Variants in MORC1 observed in about 807,000 individuals in gnomAD.
MORC1 encodes MORC family CW-type zinc finger 1.
MORC1 carries 59 observed loss-of-function variants against 134.9 expected under a neutral mutation model. The observed-to-expected ratio is 0.44, with a 90% CI of 0.35 to 0.54. The LOEUF is 0.54. Ranked by LOEUF, MORC1 falls within the 20% of genes least tolerant of loss-of-function variation. The pLI is 0.00. For synonymous variants in MORC1, 395 were observed against 391.7 expected (o/e 1.01, Z -0.10); for missense variants, 947 against 1,134.5 (o/e 0.83, Z 2.37).
At chr3:108,959,537 G>A (rs539710502) in intron 27 of MORC1, among the ~76,000 whole-genome samples, 18 of 152,126 alleles carry the variant, frequency 1.2e-4, no homozygotes, top group Middle Eastern at 3.4e-3. Context: ...CCATTGCAGC[G>A]TCTTTTCCCT....
intron 24 of MORC1, among the ~76,000 whole-genome samples, chr3:108,976,111 G>T (rs1947546605): frequency 6.6e-6 from 1 of 152,110 alleles, no homozygotes; most frequent in Non-Finnish European, 1.5e-5. Context: ...ATATAAGACA[G>T]GAAAATGCCT....
At chr3:109,069,168 C>T (rs1341799849) in intron 9 of MORC1, among the ~76,000 whole-genome samples, 4 of 151,976 alleles carry the variant, frequency 2.6e-5, no homozygotes, top group African/African-American at 9.7e-5. Flanking sequence ...ACAACAACAA[C>T]AAAACCTTGA....
Position 109,072,559 on chromosome 3 carries a change from A to G in MORC1, c.690-2802T>C, listed in dbSNP as rs1165290370. 2.6e-5 allele frequency among the ~76,000 whole-genome samples: 4 copies of G among 152,322 alleles called. No homozygotes were observed. The East Asian group carries it at 7.7e-4, about 29-fold the overall frequency. Reference sequence around the variant, plus strand: ...ATAAAAATATGTTGAATAAATGACAATCATTCAGGACTTCCCTGGCTTAAT... The same window carrying G: ...ATAAAAATATGTTGAATAAATGACAGTCATTCAGGACTTCCCTGGCTTAAT... On this transcript the variant is annotated intron_variant, in intron 8 of 27. Transcript: ENST00000232603.
intron 5 of MORC1, among the ~76,000 whole-genome samples, chr3:109,100,074 T>C (rs1206752376): frequency 6.6e-6 from 1 of 151,958 alleles, no homozygotes; most frequent in Non-Finnish European, 1.5e-5. Context: ...TGAAACTCTG[T>C]CTCTACAAAA....
chr3:109,042,450 C>A (rs944219216), intron 14 of MORC1, among the ~76,000 whole-genome samples: 1 of 152,040 alleles, frequency 6.6e-6, no homozygotes, highest in Non-Finnish European at 1.5e-5. Context: ...GGCAAGGATG[C>A]GGATAGAAAC....
intron 6 of MORC1, among the ~76,000 whole-genome samples, chr3:109,097,890 C>G (rs893128850): frequency 6.6e-6 from 1 of 151,938 alleles, no homozygotes; most frequent in African/African-American, 2.4e-5. Flanking sequence ...TACAATAAAG[C>G]TATGTTGAGG....
chr3:109,098,690 T>C (rs771029481), intron 6 of MORC1, among the ~76,000 whole-genome samples: 1 of 152,194 alleles, frequency 6.6e-6, no homozygotes, highest in East Asian at 1.9e-4. Flanking sequence ...TTGAGGAGCA[T>C]TCTTTTTAAA....
chr3:109,059,918 C>G, intron 11 of MORC1, 48 bp from the exon 12 acceptor site: 4 of 1,516,640 alleles, frequency 2.6e-6, no homozygotes, highest in Non-Finnish European at 3.6e-6. Flanking sequence ...ACTGAATTAA[C>G]AAAAAGCAAG....
intron 21 of MORC1, among the ~76,000 whole-genome samples, chr3:108,992,712 A>G (rs1948097724): frequency 1.3e-5 from 2 of 152,224 alleles, no homozygotes; most frequent in African/African-American, 2.4e-5. Context: ...TTCATCTGCT[A>G]ACTGCCTCAT....
intron 14 of MORC1, 108 bp downstream of exon 14, chr3:109,054,620 A>C (rs1056948036): frequency 9.8e-6 from 10 of 1,018,316 alleles, no homozygotes; most frequent in Non-Finnish European, 1.3e-5. Context: ...TCCCTTTCAG[A>C]GTTTTCAGTT....
At chr3:108,979,817 T>C in intron 23 of MORC1, 150 bp from the exon 24 acceptor site, 1 of 769,016 alleles carries the variant, frequency 1.3e-6, no homozygotes, top group East Asian at 2.9e-5. Context: ...TGTAGTTACA[T>C]GAAACAAATT....
intron 26 of MORC1, among the ~76,000 whole-genome samples, chr3:108,968,089 T>C (rs926811517): frequency 6.6e-6 from 1 of 152,156 alleles, no homozygotes; most frequent in African/African-American, 2.4e-5. Context: ...AATCAATCAA[T>C]CCCAGTTTTA....
intron 6 of MORC1, among the ~76,000 whole-genome samples, chr3:109,095,393 T>C (rs1341888705): frequency 6.6e-6 from 1 of 152,098 alleles, no homozygotes; most frequent in Non-Finnish European, 1.5e-5. Flanking sequence ...AGAAAAGCAA[T>C]CTAAAGCCCA....
chr3:109,028,548 T>C lies in MORC1; in HGVS notation c.1566-659A>G, dbSNP rs35267017. 6.6e-3 allele frequency among the ~76,000 whole-genome samples: 1,005 copies of C among 152,278 alleles called. 15 individuals are homozygous for C. Among genetic ancestry groups the C allele is most frequent in the African/African-American group, 0.023 (972 of 41,556 alleles). ...TTGTGGGTTAGTAAATACATAATAA[T>C]GTAGGATGATTTGTAAATGAACAAT... On this transcript the variant is annotated intron_variant, in intron 16 of 27. Transcript: ENST00000232603.
At chr3:109,113,850 G>A (rs1166482009) in intron 2 of MORC1, among the ~76,000 whole-genome samples, 1 of 152,192 alleles carries the variant, frequency 6.6e-6, no homozygotes, top group Admixed American at 6.5e-5. Context: ...TATGAATTAT[G>A]TGACTTTGAA....
chr3:109,089,810 C>T (rs555415764), intron 8 of MORC1, among the ~76,000 whole-genome samples: 1 of 152,064 alleles, frequency 6.6e-6, no homozygotes, highest in African/African-American at 2.4e-5. Flanking sequence ...CTTGTCATTA[C>T]CCCCACCCTT....
chr3:109,066,389 G>A lies in MORC1; in HGVS notation c.816-3158C>T, dbSNP rs554533806. Among the ~76,000 whole-genome samples the A allele has an allele frequency of 1.3e-3, 189 of 151,100 alleles. 1 individual carries two copies. The South Asian group carries it at 0.019, about 15-fold the overall frequency. The stretch of plus-strand genomic sequence containing the variant: ...CAACCTCCACCTCCTGGGTTCAAGT[G>A]AGTCTCCTGCCTCAGCCTCTGGAAT... On this transcript the variant is annotated intron_variant, in intron 9 of 27. Coordinates refer to ENST00000232603, the MANE Select transcript of MORC1 (RefSeq NM_014429.4).
intron 14 of MORC1, among the ~76,000 whole-genome samples, chr3:109,044,944 C>CAAAAAA (rs375280662): frequency 1.6e-5 from 1 of 64,220 alleles, no homozygotes; most frequent in Non-Finnish European, 3.1e-5. Flanking sequence ...GACTCTGTCT[C>CAAAAAA]AAAAAAAAAA....
chr3:109,091,388 G>A (rs938796436), intron 8 of MORC1, among the ~76,000 whole-genome samples: 1 of 151,850 alleles, frequency 6.6e-6, no homozygotes, highest in Non-Finnish European at 1.5e-5. Context: ...AGGTTGCAGT[G>A]AGCCAAGATG....
Sources: allele counts gnomAD v4.1 joint callset (sites outside exome capture counted in the v4.1 genomes callset), GRCh38; gene constraint gnomAD v4.1.1; transcripts MANE v1.5; gene names NCBI Gene and HGNC (gene_info 2026-07-23, HGNC 2026-07-21).